Variants in PPP2R2B observed in about 807,000 individuals in gnomAD.
The protein encoded by PPP2R2B is protein phosphatase 2 regulatory subunit Bbeta, also known as serine/threonine-protein phosphatase 2A 55 kDa regulatory subunit B beta isoform.
In PPP2R2B, 5 loss-of-function variants were observed where a neutral mutation model predicts 46.0. That is an observed-to-expected ratio of 0.11 (90% CI 0.06 to 0.23). The LOEUF (loss-of-function observed/expected upper bound fraction) is 0.23. Among genes scored for constraint, PPP2R2B ranks in the 10% least tolerant of loss-of-function variants. The pLI is 1.00. For synonymous variants in PPP2R2B, 215 were observed against 206.7 expected (o/e 1.04, Z -0.34); for missense variants, 367 against 575.0 (o/e 0.64, Z 3.70).
intron 2 of PPP2R2B, among the ~76,000 whole-genome samples, chr5:146,713,420 C>T (rs138617277): frequency 0.013 from 2,001 of 152,268 alleles, 19 homozygotes; most frequent in Non-Finnish European, 0.021. Flanking sequence ...TGCCACCAAA[C>T]TGTATACTGA....
At chr5:146,650,212 T>C (rs1337185037) in intron 6 of PPP2R2B, among the ~76,000 whole-genome samples, 1 of 152,202 alleles carries the variant, frequency 6.6e-6, no homozygotes. Context: ...TTATGAATCC[T>C]TTAACAGAGA....
chr5:146,958,656 C>G (rs1397259326), intron 1 of PPP2R2B, among the ~76,000 whole-genome samples: 1 of 152,144 alleles, frequency 6.6e-6, no homozygotes, highest in Non-Finnish European at 1.5e-5. Flanking sequence ...TGTAACTTAT[C>G]CTGAATTACG....
intron 1 of PPP2R2B, among the ~76,000 whole-genome samples, chr5:146,906,612 G>T (rs144389408): frequency 1.3e-5 from 2 of 152,280 alleles, no homozygotes; most frequent in South Asian, 4.1e-4. Flanking sequence ...GTGAGCCACC[G>T]CACCTGGCCT....
intron 6 of PPP2R2B, among the ~76,000 whole-genome samples, chr5:146,649,300 C>A (rs1775788785): frequency 6.6e-6 from 1 of 151,954 alleles, no homozygotes; most frequent in African/African-American, 2.4e-5. Flanking sequence ...AAATCTCATG[C>A]CTTAGGTTTG....
At chr5:146,937,563 A>G (rs1472479248) in intron 1 of PPP2R2B, among the ~76,000 whole-genome samples, 1 of 152,108 alleles carries the variant, frequency 6.6e-6, no homozygotes, top group Non-Finnish European at 1.5e-5. Flanking sequence ...ATGGAGTCAG[A>G]ACAACTTGCC....
chr5:146,920,967 T>A (rs1412614381), intron 1 of PPP2R2B, among the ~76,000 whole-genome samples: 1 of 152,198 alleles, frequency 6.6e-6, no homozygotes, highest in Non-Finnish European at 1.5e-5. Context: ...AGTAAGTACA[T>A]CTCTAAATTA....
intron 7 of PPP2R2B, among the ~76,000 whole-genome samples, chr5:146,615,987 A>T (rs554552037): frequency 6.6e-6 from 1 of 152,240 alleles, no homozygotes; most frequent in African/African-American, 2.4e-5. Context: ...ACTTCAAATT[A>T]TACTACAGAG....
intron 2 of PPP2R2B, among the ~76,000 whole-genome samples, chr5:146,808,632 C>T (rs1018332976): frequency 2.0e-5 from 3 of 152,246 alleles, no homozygotes; most frequent in South Asian, 2.1e-4. Context: ...GGGGCTCTGG[C>T]GTGTGTTGCC....
rs112426414 is a variant in PPP2R2B, at chr5:146,862,434, G to A, written c.70+15568C>T. Among the ~76,000 whole-genome samples, 1,320 of 152,306 alleles carry A rather than the reference G, an allele frequency of 8.7e-3. 22 individuals carry two copies. Among genetic ancestry groups the A allele is most frequent in the African/African-American group, 0.03 (1,265 of 41,564 alleles). On this transcript the variant is annotated intron_variant, in intron 2 of 9. Coordinates refer to ENST00000394411, the MANE Select transcript of PPP2R2B (RefSeq NM_181675.4). ...AGGATCTGTGTCTTTAGATCTAGCTGTCTGAACTTGGACCTCAGTTGCCAC... is the reference window on the plus strand; with the variant it reads ...AGGATCTGTGTCTTTAGATCTAGCTATCTGAACTTGGACCTCAGTTGCCAC...
At chr5:146,693,276 G>C (rs965002530) in intron 4 of PPP2R2B, among the ~76,000 whole-genome samples, 2 of 151,636 alleles carry the variant, frequency 1.3e-5, no homozygotes, top group Non-Finnish European at 2.9e-5. Flanking sequence ...GTGCATTGGC[G>C]AGATCATGGT....
intron 3 of PPP2R2B, 53 bp downstream of exon 3, chr5:146,700,992 G>A (rs1356060727): frequency 4.2e-6 from 6 of 1,445,398 alleles, no homozygotes; most frequent in Non-Finnish European, 5.8e-6. Flanking sequence ...AACAGTAGGA[G>A]GCCTCCTTTA....
At chr5:146,865,225 A>C (rs938820003) in intron 2 of PPP2R2B, among the ~76,000 whole-genome samples, 1 of 152,166 alleles carries the variant, frequency 6.6e-6, no homozygotes, top group Non-Finnish European at 1.5e-5. Flanking sequence ...GCAAACAAAC[A>C]AACCCTATAG....
chr5:146,994,972 G>A (rs1229171324), intron 1 of PPP2R2B, among the ~76,000 whole-genome samples: 2 of 152,304 alleles, frequency 1.3e-5, no homozygotes, highest in South Asian at 2.1e-4. Context: ...TATATAGGAG[G>A]AGTCCTTGTC....
At chr5:146,963,717 A>G (rs1752281225) in intron 1 of PPP2R2B, among the ~76,000 whole-genome samples, 1 of 152,184 alleles carries the variant, frequency 6.6e-6, no homozygotes. Flanking sequence ...GGTCAATTAG[A>G]GTAACTTGCC....
intron 6 of PPP2R2B, among the ~76,000 whole-genome samples, chr5:146,639,155 G>A (rs951649913): frequency 2.0e-5 from 3 of 152,168 alleles, no homozygotes; most frequent in African/African-American, 2.4e-5. Flanking sequence ...CAAAGTCTGT[G>A]CTCTTTCATA....
upstream of PPP2R2B, among the ~76,000 whole-genome samples, chr5:146,882,630 C>T (rs918606496): frequency 6.6e-6 from 1 of 152,182 alleles, no homozygotes; most frequent in African/African-American, 2.4e-5. Flanking sequence ...TATTTACTTT[C>T]GTCATCATCA....
intron 2 of PPP2R2B, among the ~76,000 whole-genome samples, chr5:146,833,350 T>G (rs249900): frequency 6.6e-6 from 1 of 152,016 alleles, no homozygotes; most frequent in African/African-American, 2.4e-5. Flanking sequence ...TACTAATAAT[T>G]TCATTGTCAT....
At chr5:146,601,694 T>A (rs1771799581) in intron 7 of PPP2R2B, among the ~76,000 whole-genome samples, 2 of 152,242 alleles carry the variant, frequency 1.3e-5, no homozygotes, top group Middle Eastern at 3.2e-3. Flanking sequence ...GATGTCTTTT[T>A]AAAATTAACA....
At chr5:146,861,908 A>G (rs1761029232) in intron 2 of PPP2R2B, among the ~76,000 whole-genome samples, 1 of 151,634 alleles carries the variant, frequency 6.6e-6, no homozygotes, top group Admixed American at 6.6e-5. Context: ...GCCAATATTA[A>G]TAAACTTTCA....
Sources: allele counts gnomAD v4.1 joint callset (sites outside exome capture counted in the v4.1 genomes callset), GRCh38; gene constraint gnomAD v4.1.1; transcripts MANE v1.5; gene names NCBI Gene and HGNC (gene_info 2026-07-23, HGNC 2026-07-21).